The following CNTNAP2 variants were observed in gnomAD, a reference collection of about 807,000 sequenced individuals.
CNTNAP2 encodes contactin associated protein 2.
Under a neutral mutation model 155.2 loss-of-function variants are expected in CNTNAP2, and 98 were observed. The observed-to-expected ratio is 0.63, with a 90% CI of 0.54 to 0.75. CNTNAP2 has a LOEUF of 0.75. CNTNAP2 is among the 30% of genes least tolerant of loss of function. The pLI, the probability that CNTNAP2 is intolerant of heterozygous loss-of-function variation, is 0.00. For synonymous variants in CNTNAP2, 651 were observed against 631.2 expected (o/e 1.03, Z -0.47); for missense variants, 1,727 against 1,688.1 (o/e 1.02, Z -0.40).
chr7:147,399,585 A>C (rs1323092699), intron 10 of CNTNAP2, among the ~76,000 whole-genome samples: 2 of 152,184 alleles, frequency 1.3e-5, no homozygotes, highest in African/African-American at 4.8e-5. Context: ...TGGGAAGACT[A>C]GTTGTAGAGA....
chr7:146,732,474 T>C (rs1169093852), intron 1 of CNTNAP2, among the ~76,000 whole-genome samples: 1 of 152,178 alleles, frequency 6.6e-6, no homozygotes, highest in East Asian at 1.9e-4. Flanking sequence ...TCCTCTCTTG[T>C]TGGAATTGCC....
At chr7:146,426,140 C>T (rs927923143) in intron 1 of CNTNAP2, among the ~76,000 whole-genome samples, 4 of 136,656 alleles carry the variant, frequency 2.9e-5, no homozygotes, top group African/African-American at 1.1e-4. Flanking sequence ...GAGCCAAGAT[C>T]GCGCCACTGC....
intron 10 of CNTNAP2, among the ~76,000 whole-genome samples, chr7:147,405,379 G>T (rs150796425): frequency 6.6e-6 from 1 of 152,032 alleles, no homozygotes; most frequent in African/African-American, 2.4e-5. Flanking sequence ...TTGCAGTTAC[G>T]ATTTCACACT....
intron 9 of CNTNAP2, among the ~76,000 whole-genome samples, chr7:147,313,229 G>A (rs1213731881): frequency 6.6e-6 from 1 of 152,056 alleles, no homozygotes; most frequent in Non-Finnish European, 1.5e-5. Flanking sequence ...CCACTCTGCT[G>A]GTAGTTTCTT....
intron 3 of CNTNAP2, among the ~76,000 whole-genome samples, chr7:146,908,136 C>A (rs1274352679): frequency 1.3e-5 from 2 of 152,066 alleles, no homozygotes; most frequent in African/African-American, 4.8e-5. Flanking sequence ...TACAGGAGCA[C>A]CCAGATTCAT....
chr7:147,027,237 G>A (rs1798940796), intron 3 of CNTNAP2, among the ~76,000 whole-genome samples: 1 of 152,020 alleles, frequency 6.6e-6, no homozygotes. Flanking sequence ...ACGTACAAGG[G>A]AATATAGCAT....
rs142964987 is a variant in CNTNAP2 at position 147,045,466 on chromosome 7, G to A, written c.550+1412G>A. On this transcript the variant is annotated intron_variant, in intron 4 of 23. Coordinates refer to ENST00000361727, the MANE Select transcript of CNTNAP2 (RefSeq NM_014141.6). ...TGTTATGTGCAAACTACAATAAAGGGGTCATGGAGGTCATTTAAAAATTCT... is the reference window on the plus strand; with the variant it reads ...TGTTATGTGCAAACTACAATAAAGGAGTCATGGAGGTCATTTAAAAATTCT... Among the ~76,000 whole-genome samples, 4 of 152,168 alleles carry A rather than the reference G, an allele frequency of 2.6e-5. No individual in the cohort carries two copies. In the East Asian group the frequency reaches 7.7e-4, roughly 29 times the overall value.
rs190348340 is a variant in CNTNAP2 at position 146,124,207 on chromosome 7, C to A, written c.97+7234C>A. ...GCACATGTATACCTGTGTAACAAAC[C>A]TTCACGTTCTGCACATGTATCCCAG... On this transcript the variant is annotated intron_variant, in intron 1 of 23. Transcript: ENST00000361727. Among the ~76,000 whole-genome samples the A allele has an allele frequency of 5.7e-3, 869 of 152,124 alleles. 7 individuals are homozygous for A. Among genetic ancestry groups the A allele is most frequent in the South Asian group, 0.013 (64 of 4,818 alleles).
At chr7:146,637,813 T>C (rs932374533) in intron 1 of CNTNAP2, among the ~76,000 whole-genome samples, 3 of 152,172 alleles carry the variant, frequency 2.0e-5, no homozygotes, top group African/African-American at 7.2e-5. Context: ...TACTAAGATA[T>C]GGGAAAAAAT....
At chr7:147,228,650 A>G (rs1024844744) in intron 8 of CNTNAP2, among the ~76,000 whole-genome samples, 4 of 151,980 alleles carry the variant, frequency 2.6e-5, no homozygotes, top group African/African-American at 9.7e-5. Context: ...AGGATATGGA[A>G]CTCACTTTTT....
chr7:146,482,201 A>G (rs1796969828), intron 1 of CNTNAP2, among the ~76,000 whole-genome samples: 1 of 139,902 alleles, frequency 7.1e-6, no homozygotes, highest in African/African-American at 2.8e-5. Flanking sequence ...AGAGGCTAAG[A>G]ATTAGAAAAA....
At chr7:147,909,698 C>A (rs17170743) in intron 14 of CNTNAP2, among the ~76,000 whole-genome samples, 5,740 of 152,258 alleles carry the variant, frequency 0.038, 242 homozygotes, top group East Asian at 0.17. Flanking sequence ...TGGTCTCTTG[C>A]AGCCTGACTC....
intron 1 of CNTNAP2, among the ~76,000 whole-genome samples, chr7:146,291,329 A>G (rs1034050510): frequency 6.6e-6 from 1 of 152,202 alleles, no homozygotes; most frequent in African/African-American, 2.4e-5. Flanking sequence ...TGAGCTAAAA[A>G]TGATTTTTAA....
intron 1 of CNTNAP2, among the ~76,000 whole-genome samples, chr7:146,249,101 G>A (rs1346615828): frequency 6.6e-6 from 1 of 152,042 alleles, no homozygotes; most frequent in Non-Finnish European, 1.5e-5. Flanking sequence ...GTTAAGGCAG[G>A]AACAGGCCAT....
At chr7:146,163,690 G>A (rs533670852) in intron 1 of CNTNAP2, among the ~76,000 whole-genome samples, 1 of 149,966 alleles carries the variant, frequency 6.7e-6, no homozygotes, top group South Asian at 2.1e-4. Flanking sequence ...GGAGGTAGCA[G>A]TGACCTGAAA....
chr7:147,337,388 C>T (rs1447940160), intron 9 of CNTNAP2, among the ~76,000 whole-genome samples: 4 of 152,092 alleles, frequency 2.6e-5, no homozygotes, highest in African/African-American at 9.7e-5. Flanking sequence ...ACACCCTGTT[C>T]TGGGAACAAT....
At chr7:146,221,191 C>T (rs12531203) in intron 1 of CNTNAP2, among the ~76,000 whole-genome samples, 25,975 of 152,024 alleles carry the variant, frequency 0.17, 2,763 homozygotes, top group East Asian at 0.29. Context: ...TTTTTCTTTC[C>T]CACATCCTCA....
intron 9 of CNTNAP2, among the ~76,000 whole-genome samples, chr7:147,328,880 T>C (rs1222431235): frequency 6.6e-6 from 1 of 152,116 alleles, no homozygotes; most frequent in African/African-American, 2.4e-5. Context: ...TTCAGCAAGG[T>C]CTTTGGCAAA....
At chr7:147,996,878 C>A (rs1308944159) in intron 15 of CNTNAP2, among the ~76,000 whole-genome samples, 1 of 152,042 alleles carries the variant, frequency 6.6e-6, no homozygotes, top group Non-Finnish European at 1.5e-5. Flanking sequence ...TTTGTCTTTC[C>A]AAAATTTATA....
Sources: gnomAD v4.1 joint callset for allele counts (sites outside exome capture counted in the v4.1 genomes callset) on GRCh38, gnomAD v4.1.1 for gene constraint, MANE v1.5 for transcripts, NCBI Gene and HGNC (gene_info 2026-07-23, HGNC 2026-07-21) for gene names.